DRC11: variants seen among roughly 807,000 people sequenced by gnomAD.
DRC11 encodes the protein dynein regulatory complex subunit 11.
At chr2:236,483,181 T>C in the DRC11 span, among the ~76,000 whole-genome samples, 4 of 152,232 alleles carry the variant, frequency 2.6e-5, no homozygotes, top group Non-Finnish European at 5.9e-5. This position sits in a 1 kb window ranked among gnomAD's most constrained non-coding sequence, Gnocchi z 4.8. Context: ...CATAATGTCC[T>C]TCAGGTTTAT....
chr2:236,432,285 T>C, the DRC11 span, among the ~76,000 whole-genome samples: 2 of 152,184 alleles, frequency 1.3e-5, no homozygotes, highest in Non-Finnish European at 2.9e-5. Context: ...TGTCTTCTTA[T>C]TGAGGTGTAA....
the DRC11 span, among the ~76,000 whole-genome samples, chr2:236,342,633 G>C: frequency 6.6e-6 from 1 of 152,250 alleles, no homozygotes; most frequent in South Asian, 2.1e-4. The surrounding 1 kb of genome is among the most constrained non-coding windows in gnomAD (Gnocchi z 5.8). Context: ...AGTGGAGCTG[G>C]AGTTCCGTGT....
the DRC11 span, among the ~76,000 whole-genome samples, chr2:236,405,603 A>C: frequency 6.6e-6 from 1 of 152,022 alleles, no homozygotes; most frequent in African/African-American, 2.4e-5. The surrounding 1 kb of genome is among the most constrained non-coding windows in gnomAD (Gnocchi z 4.6). Flanking sequence ...TTCATGGCCC[A>C]ATCAGTTATA....
At chr2:236,356,677 G>A in the DRC11 span, among the ~76,000 whole-genome samples, 3 of 151,780 alleles carry the variant, frequency 2.0e-5, no homozygotes, top group Middle Eastern at 6.8e-3. Context: ...TGTGTAAAAC[G>A]CCTTAGCATG....
At chr2:236,493,002 G>A in the DRC11 span, among the ~76,000 whole-genome samples, 29 of 152,296 alleles carry the variant, frequency 1.9e-4, no homozygotes, top group East Asian at 4.4e-3. Context: ...GTATTAGTCC[G>A]TTTTCACACT....
chr2:236,502,911 C>T, the DRC11 span, among the ~76,000 whole-genome samples: 2 of 152,104 alleles, frequency 1.3e-5, no homozygotes, highest in South Asian at 2.1e-4. Flanking sequence ...GCCGAGATTG[C>T]ACCACTGCAC....
the DRC11 span, among the ~76,000 whole-genome samples, chr2:236,334,950 ACAGGGCATCCATCAGC>A: frequency 1.2e-4 from 19 of 152,306 alleles, no homozygotes; most frequent in African/African-American, 4.6e-4. The surrounding 1 kb of genome is among the most constrained non-coding windows in gnomAD (Gnocchi z 7.8). Flanking sequence ...TGGGGACCAG[ACAGGGCATCCATCAGC>A]CTGGGGGGTG....
At chr2:236,386,349 T>TCA in the DRC11 span, among the ~76,000 whole-genome samples, 2 of 152,124 alleles carry the variant, frequency 1.3e-5, no homozygotes, top group Non-Finnish European at 2.9e-5. Context: ...CTCCTGTTAT[T>TCA]GGTCTATTCA....
At chr2:236,344,493 G>A in the DRC11 span, 2 of 1,113,208 alleles carry the variant, frequency 1.8e-6, no homozygotes, top group Non-Finnish European at 2.7e-6. Context: ...GTAGAGGTAG[G>A]CCTTGGTAAG....
At chr2:236,447,400 T>C in the DRC11 span, among the ~76,000 whole-genome samples, 12 of 151,770 alleles carry the variant, frequency 7.9e-5, 1 homozygote, top group Middle Eastern at 3.4e-3. This position sits in a 1 kb window ranked among gnomAD's most constrained non-coding sequence, Gnocchi z 4.6. Flanking sequence ...GAGAGAGACC[T>C]GGACAGAAAG....
chr2:236,403,133 G>T, the DRC11 span, among the ~76,000 whole-genome samples: 1 of 152,062 alleles, frequency 6.6e-6, no homozygotes, highest in African/African-American at 2.4e-5. Context: ...AAGAGGAGGA[G>T]GGGGAGGGGG....
the DRC11 span, among the ~76,000 whole-genome samples, chr2:236,312,294 A>G: frequency 6.6e-6 from 1 of 152,204 alleles, no homozygotes; most frequent in African/African-American, 2.4e-5. Flanking sequence ...CCAAGCCTCC[A>G]TTTTAGAATT....
chr2:236,469,241 T>C, the DRC11 span, among the ~76,000 whole-genome samples: 1 of 152,264 alleles, frequency 6.6e-6, no homozygotes, highest in Non-Finnish European at 1.5e-5. This position sits in a 1 kb window ranked among gnomAD's most constrained non-coding sequence, Gnocchi z 5.8. Flanking sequence ...AGTCTCACTC[T>C]GTTGCCCAGG....
the DRC11 span, among the ~76,000 whole-genome samples, chr2:236,491,144 A>G: frequency 2.5e-5 from 2 of 78,464 alleles, no homozygotes; most frequent in Non-Finnish European, 5.2e-5. Flanking sequence ...TATATACAGT[A>G]TATATATACA....
the DRC11 span, among the ~76,000 whole-genome samples, chr2:236,473,537 G>A: frequency 6.6e-6 from 1 of 152,126 alleles, no homozygotes; most frequent in African/African-American, 2.4e-5. The surrounding 1 kb of genome is among the most constrained non-coding windows in gnomAD (Gnocchi z 4.8). Flanking sequence ...TTTCCCCAGT[G>A]TTCTTTATTA....
the DRC11 span, among the ~76,000 whole-genome samples, chr2:236,389,187 C>T: frequency 6.6e-6 from 1 of 152,240 alleles, no homozygotes; most frequent in African/African-American, 2.4e-5. Flanking sequence ...TGGTGGGCTC[C>T]ACCCAGTTCG....
At chr2:236,337,928 C>T in the DRC11 span, among the ~76,000 whole-genome samples, 1 of 152,204 alleles carries the variant, frequency 6.6e-6, no homozygotes, top group Non-Finnish European at 1.5e-5. The surrounding 1 kb of genome is among the most constrained non-coding windows in gnomAD (Gnocchi z 4.9). Flanking sequence ...TCAGCACCCA[C>T]AAGGCTTTTG....
At chr2:236,448,018 C>T in the DRC11 span, among the ~76,000 whole-genome samples, 3,477 of 152,230 alleles carry the variant, frequency 0.023, 131 homozygotes, top group African/African-American at 0.079. The surrounding 1 kb of genome is among the most constrained non-coding windows in gnomAD (Gnocchi z 5.3). Context: ...TGAGGGAAAG[C>T]TGCAATTTAA....
At chr2:236,399,420 T>C in the DRC11 span, 5 of 1,613,756 alleles carry the variant, frequency 3.1e-6, no homozygotes, top group East Asian at 2.2e-5. The surrounding 1 kb of genome is among the most constrained non-coding windows in gnomAD (Gnocchi z 7.0). Flanking sequence ...GACCTTTGTA[T>C]GCGTTACATC....
Sources: gnomAD v4.1 joint callset for allele counts (sites outside exome capture counted in the v4.1 genomes callset) on GRCh38, gnomAD v4.1.1 for gene constraint, Gnocchi (gnomAD v3.1) non-coding constraint, MANE v1.5 for transcripts, NCBI Gene and HGNC (gene_info 2026-07-23, HGNC 2026-07-21) for gene names.